The following CHAT variants were observed in gnomAD, a reference collection of about 807,000 sequenced individuals.
The protein encoded by CHAT is acetyl CoA:choline O-acetyltransferase.
Under a neutral mutation model 76.9 loss-of-function variants are expected in CHAT, and 61 were observed. The observed-to-expected ratio is 0.79, with a 90% confidence interval of 0.65 to 0.98. CHAT has a LOEUF of 0.98. Among genes scored for constraint, CHAT ranks in the 50% least tolerant of loss-of-function variants. The pLI is 0.00. For synonymous variants in CHAT, 407 were observed against 397.4 expected (o/e 1.02, Z -0.29); for missense variants, 946 against 986.9 (o/e 0.96, Z 0.56).
rs369932994 is a variant in CHAT, at chr10:49,619,721, C to T, written c.388-4C>T. On this transcript the variant is annotated splice_region_variant and splice_polypyrimidine_tract_variant and intron_variant, in intron 2 of 14. Transcript: ENST00000337653. ...GCACAATGCCTATGAACCCTTTCTT[C>T]CAGGGGCTGCCCAAACTGCCCGTGC... is the stretch of plus-strand genomic sequence containing the variant. The T allele has an allele frequency of 8.1e-6, 13 of 1,609,738 alleles. No homozygotes were observed. The Admixed American group carries it at 1.7e-4, about 21-fold the overall frequency.
chr10:49,657,199 C>T (rs1345273897), intron 13 of CHAT, among the ~76,000 whole-genome samples: 1 of 152,084 alleles, frequency 6.6e-6, no homozygotes, highest in East Asian at 1.9e-4. Flanking sequence ...TCTGGCAAAG[C>T]CTGCTCTGTG....
At chr10:49,647,950 G>A (rs1839734666) in intron 8 of CHAT, 1 of 180,788 alleles carries the variant, frequency 5.5e-6, no homozygotes, top group South Asian at 1.3e-4. Flanking sequence ...GAAGCCAGCA[G>A]GGCTTCATGG....
upstream of CHAT, chr10:49,611,883 G>T (rs777864075): frequency 2.4e-5 from 39 of 1,609,582 alleles, 1 homozygote; most frequent in South Asian, 3.6e-4. Context: ...GCTCCTTCGC[G>T]CCGCTAGTGG....
In CHAT at chr10:49,616,358, C is replaced by T. The variant is rs1168483652; in HGVS notation, c.287-144C>T. The T allele has an allele frequency of 5.0e-5, 37 of 739,508 alleles. 1 individual carries two copies. The highest frequency in any genetic ancestry group is 3.9e-4 in the South Asian group (26 of 67,064). 45.8% of individuals were successfully genotyped at this position (739,508 alleles called of 1,614,324 possible). On this transcript the variant is annotated intron_variant, in intron 1 of 14. Transcript: ENST00000337653. ...CAGGTGGAAGTAGAGACTGGGGCCA[C>T]GCCTGCAATGAGACCCCTATACACA...
Position 49,665,018 on chromosome 10 carries a change from C to A in CHAT, c.2219C>A (p.Thr740Lys). The change falls in exon 15 of 15, where the codon ACG (threonine) becomes AAG (lysine). Residue 740 changes from threonine (T) to lysine (K), a missense_variant. This residue lies in a region of CHAT where 349 missense variants were observed against 393.9 expected (regional missense o/e 0.89). Transcript: ENST00000337653. ...SKPLATKEKA[T>K]RPSQGHQP ...CCATTGGCAACAAAGGAAAAAGCCA[C>A]GAGGCCCAGCCAGGGACACCAACCT... The A allele has an allele frequency of 1.2e-6, 2 of 1,614,164 alleles. No homozygotes were observed. Among genetic ancestry groups the A allele is most frequent in the South Asian group, 1.1e-5 (1 of 91,082 alleles).
At chr10:49,632,246 T>C (rs1307538033) in intron 7 of CHAT, among the ~76,000 whole-genome samples, 7 of 151,990 alleles carry the variant, frequency 4.6e-5, no homozygotes, top group Admixed American at 3.9e-4. Flanking sequence ...GAGACAGGCA[T>C]GAAGCGCTCC....
chr10:49,655,791 G>A (rs1019824790), intron 13 of CHAT, among the ~76,000 whole-genome samples: 16 of 152,186 alleles, frequency 1.1e-4, no homozygotes, highest in African/African-American at 1.9e-4. Context: ...CCTGGCAAGC[G>A]ATGGGGGTCA....
intron 13 of CHAT, among the ~76,000 whole-genome samples, chr10:49,661,858 C>G (rs932289322): frequency 6.6e-6 from 1 of 152,178 alleles, no homozygotes; most frequent in African/African-American, 2.4e-5. Context: ...CCTCACCCTC[C>G]GTGAACCCCT....
intron 7 of CHAT, among the ~76,000 whole-genome samples, chr10:49,631,365 A>C (rs748052224): frequency 2.0e-5 from 3 of 152,172 alleles, no homozygotes; most frequent in Non-Finnish European, 4.4e-5. Flanking sequence ...GCGTATCTGC[A>C]TCCTAATCTC....
upstream of CHAT, chr10:49,612,347 A>G (rs370390968): frequency 6.4e-7 from 1 of 1,567,422 alleles, no homozygotes; most frequent in Non-Finnish European, 8.7e-7. Context: ...TAGCATCCCC[A>G]CTCCTCCTCC....
At chr10:49,617,112 C>T (rs1195118601) in intron 2 of CHAT, among the ~76,000 whole-genome samples, 1 of 152,196 alleles carries the variant, frequency 6.6e-6, no homozygotes, top group African/African-American at 2.4e-5. Context: ...AGCAACACAC[C>T]TGACTTCAGG....
intron 5 of CHAT, among the ~76,000 whole-genome samples, chr10:49,623,178 C>T (rs919624444): frequency 6.6e-6 from 1 of 152,136 alleles, no homozygotes; most frequent in Admixed American, 6.5e-5. Flanking sequence ...CTATTTCCTC[C>T]CAGAACTCGC....
At chr10:49,616,195 CA>C (rs919469852) in intron 1 of CHAT, 17 of 1,189,974 alleles carry the variant, frequency 1.4e-5, no homozygotes, top group Non-Finnish European at 2.1e-5. Flanking sequence ...ACTCTGCCAG[CA>C]ACCCCTGGTG....
At chr10:49,635,204 G>A (rs889192569) in intron 7 of CHAT, among the ~76,000 whole-genome samples, 2 of 152,164 alleles carry the variant, frequency 1.3e-5, no homozygotes, top group African/African-American at 4.8e-5. Flanking sequence ...GCAGGGTCTG[G>A]CTTTTTTCAA....
chr10:49,614,184 G>T lies in CHAT; in HGVS notation c.-6G>T, dbSNP rs755091583. 5.5e-6 allele frequency: 8 copies of T among 1,465,134 alleles called. No individual in the cohort carries two copies. The South Asian group carries it at 9.8e-5, about 18-fold the overall frequency. The allele number at this position is 1,465,134 out of a possible 1,614,324, so 90.8% of individuals were successfully genotyped here. A position where few individuals can be genotyped will look rare whatever the true frequency, so the allele number is the denominator to read the frequency against. ...TGAGATCCCTGGGCGGGGAGCTGGG[G>T]AAGGGATGGGGCTGAGGACAGCGAA... On this transcript the variant is annotated 5_prime_UTR_variant, in exon 1 of 15. Transcript: ENST00000337653.
chr10:49,611,059 G>A, upstream of CHAT: 4 of 1,614,058 alleles, frequency 2.5e-6, no homozygotes, highest in Non-Finnish European at 3.4e-6. Flanking sequence ...TGCGTGGCCA[G>A]CGGGCTCAGC....
chr10:49,622,419 G>A (rs1418449095), intron 5 of CHAT, among the ~76,000 whole-genome samples: 1 of 152,170 alleles, frequency 6.6e-6, no homozygotes, highest in Admixed American at 6.6e-5. Context: ...GTGCACAGGT[G>A]GAGTGAATTC....
intron 6 of CHAT, 124 bp from the exon 7 acceptor site, chr10:49,627,484 A>G: frequency 9.9e-7 from 1 of 1,009,866 alleles, no homozygotes; most frequent in Non-Finnish European, 1.6e-6. Context: ...GACTAGAACC[A>G]CCAAACACCT....
intron 10 of CHAT, among the ~76,000 whole-genome samples, chr10:49,650,817 T>A (rs1427107407): frequency 6.6e-6 from 1 of 152,078 alleles, no homozygotes; most frequent in East Asian, 1.9e-4. Flanking sequence ...GTTGCCTGGC[T>A]TCAGTGGGCA....
Sources: allele counts gnomAD v4.1 joint callset (sites outside exome capture counted in the v4.1 genomes callset), GRCh38; gene constraint gnomAD v4.1.1; regional missense constraint gnomAD v4.1.1; transcripts MANE v1.5; gene names NCBI Gene and HGNC (gene_info 2026-07-23, HGNC 2026-07-21).